SIPA1L1: variants seen among roughly 807,000 people sequenced by gnomAD.
SIPA1L1 encodes signal induced proliferation associated 1 like 1.
Under a neutral mutation model 162.7 loss-of-function variants are expected in SIPA1L1, and 26 were observed. The ratio of observed to expected loss-of-function variants is 0.16; its 90% confidence interval spans 0.12 to 0.22. The LOEUF (loss-of-function observed/expected upper bound fraction) is 0.22, where lower values mean the gene tolerates loss of function less well. Ranked by LOEUF, SIPA1L1 falls within the 10% of genes least tolerant of loss-of-function variation. SIPA1L1 has a pLI of 1.00. For missense variants in SIPA1L1, 1,874 were observed against 2,241.0 expected (o/e 0.84, Z 3.31); for synonymous variants, 829 against 837.4 (o/e 0.99, Z 0.17).
chr14:71,586,061 C>G (rs1390052499), intron 4 of SIPA1L1, among the ~76,000 whole-genome samples: 2 of 152,132 alleles, frequency 1.3e-5, no homozygotes, highest in Non-Finnish European at 2.9e-5. Flanking sequence ...GCTCAAAAGC[C>G]ATGTTTAATT....
chr14:71,664,686 T>C (rs2149288789), intron 10 of SIPA1L1, among the ~76,000 whole-genome samples: 1 of 152,324 alleles, frequency 6.6e-6, no homozygotes. Context: ...CCCAAGTGCT[T>C]TTTAGCATTT....
At chr14:71,321,629 C>A (rs1046637545) in intron 2 of SIPA1L1, 11 of 152,318 alleles carry the variant, frequency 7.2e-5, no homozygotes, top group Non-Finnish European at 1.3e-4. Context: ...TGGTTAATTT[C>A]CCCTTTGGGG....
intron 2 of SIPA1L1, among the ~76,000 whole-genome samples, chr14:71,495,231 C>T (rs2049642821): frequency 6.6e-6 from 1 of 152,022 alleles, no homozygotes. Flanking sequence ...GATAGAATTC[C>T]ATGGTGAAGC....
At chr14:71,372,019 T>A (rs2038937329) in intron 2 of SIPA1L1, among the ~76,000 whole-genome samples, 1 of 152,194 alleles carries the variant, frequency 6.6e-6, no homozygotes, top group African/African-American at 2.4e-5. Flanking sequence ...CTCAGACTTA[T>A]TTGCTGAACC....
intron 2 of SIPA1L1, among the ~76,000 whole-genome samples, chr14:71,421,427 C>G (rs1398784577): frequency 6.6e-6 from 1 of 151,682 alleles, no homozygotes; most frequent in Non-Finnish European, 1.5e-5. Context: ...ACCCCCATCT[C>G]TACAAAAACG....
chr14:71,320,769 G>A (rs949518620), intron 1 of SIPA1L1, among the ~76,000 whole-genome samples: 44 of 145,960 alleles, frequency 3.0e-4, no homozygotes, highest in Admixed American at 1.3e-3. Context: ...CTTGCTTCCC[G>A]TACTGGCCGC....
chr14:71,410,822 C>T lies in SIPA1L1; in HGVS notation c.-465+89641C>T, dbSNP rs995408658. Among the ~76,000 whole-genome samples, 5 of 152,128 alleles carry T rather than the reference C, an allele frequency of 3.3e-5. No homozygotes were observed. The East Asian group carries it at 9.6e-4, about 29-fold the overall frequency. ...CAGAATAGTGTTCTTTCTGTGAGAA[C>T]ATTACATGCAAATTGTCTCTTTGGC... On this transcript the variant is annotated intron_variant, in intron 2 of 23. Coordinates refer to ENST00000381232, the MANE Select transcript of SIPA1L1 (RefSeq NM_001386936.1).
At chr14:71,700,250 A>G (rs906120035) in intron 14 of SIPA1L1, among the ~76,000 whole-genome samples, 4 of 152,128 alleles carry the variant, frequency 2.6e-5, no homozygotes, top group Non-Finnish European at 4.4e-5. Context: ...CACTGCTACC[A>G]AAAAATAAAA....
At chr14:71,655,164 C>T (rs558313561) in intron 8 of SIPA1L1, among the ~76,000 whole-genome samples, 55 of 152,194 alleles carry the variant, frequency 3.6e-4, no homozygotes, top group Non-Finnish European at 7.1e-4. Flanking sequence ...TTGTTTTCAT[C>T]TTTATGTTCA....
chr14:71,384,195 A>G (rs551794141), intron 2 of SIPA1L1, among the ~76,000 whole-genome samples: 2 of 152,324 alleles, frequency 1.3e-5, no homozygotes, highest in African/African-American at 4.8e-5. Flanking sequence ...ACGGAATGAA[A>G]GGGAAGGTGA....
intron 2 of SIPA1L1, among the ~76,000 whole-genome samples, chr14:71,412,644 A>G (rs989653678): frequency 1.3e-5 from 2 of 152,186 alleles, no homozygotes; most frequent in African/African-American, 4.8e-5. Context: ...TGGGAAGAGG[A>G]ACTTCCCCTT....
intron 2 of SIPA1L1, among the ~76,000 whole-genome samples, chr14:71,440,303 AG>A (rs2141194505): frequency 6.6e-6 from 1 of 152,248 alleles, no homozygotes; most frequent in East Asian, 1.9e-4. Flanking sequence ...CTAGGATTAC[AG>A]GCATGAGCCA....
chr14:71,488,821 A>C (rs1028669598), intron 2 of SIPA1L1, among the ~76,000 whole-genome samples: 1 of 152,212 alleles, frequency 6.6e-6, no homozygotes, highest in African/African-American at 2.4e-5. Context: ...TCTGCACGCC[A>C]CTGAAAATAT....
intron 2 of SIPA1L1, chr14:71,321,936 G>A (rs1441816715): frequency 6.6e-6 from 1 of 152,120 alleles, no homozygotes; most frequent in Non-Finnish European, 1.5e-5. Context: ...CTAAATTGTT[G>A]GCATTCGTTT....
chr14:71,671,942 T>C (rs77149170), intron 11 of SIPA1L1, among the ~76,000 whole-genome samples: 7,050 of 146,128 alleles, frequency 0.048, 266 homozygotes, highest in African/African-American at 0.094. Flanking sequence ...TGTGTGTGTG[T>C]GCGTTCATGT....
At chr14:71,504,241 G>A (rs1416187170) in intron 2 of SIPA1L1, among the ~76,000 whole-genome samples, 1 of 151,984 alleles carries the variant, frequency 6.6e-6, no homozygotes, top group South Asian at 2.1e-4. Context: ...TTTTTCCTGT[G>A]CTGTAACATG....
chr14:71,704,876 G>A (rs2082331754), intron 15 of SIPA1L1: 1 of 805,494 alleles, frequency 1.2e-6, no homozygotes, highest in South Asian at 1.5e-5. Context: ...GCCACACTTG[G>A]CAATGAATGA....
chr14:71,535,893 G>A (rs2053853877), intron 4 of SIPA1L1, among the ~76,000 whole-genome samples: 1 of 152,022 alleles, frequency 6.6e-6, no homozygotes, highest in Non-Finnish European at 1.5e-5. Context: ...TACAGGCATG[G>A]GCCACTGCAC....
intron 5 of SIPA1L1, among the ~76,000 whole-genome samples, chr14:71,617,096 G>C (rs2038925651): frequency 6.6e-6 from 1 of 152,154 alleles, no homozygotes; most frequent in South Asian, 2.1e-4. Context: ...TAAGCTCTTT[G>C]CTCCTTCAGT....
Sources: allele counts gnomAD v4.1 joint callset (sites outside exome capture counted in the v4.1 genomes callset), GRCh38; gene constraint gnomAD v4.1.1; transcripts MANE v1.5; gene names NCBI Gene and HGNC (gene_info 2026-07-23, HGNC 2026-07-21).